Variants in RANBP2 observed in about 807,000 individuals in gnomAD.
RANBP2 encodes E3 SUMO-protein ligase RanBP2.
In RANBP2, 57 loss-of-function variants were observed where a neutral mutation model predicts 303.6. That is an observed-to-expected ratio of 0.19 (90% CI 0.15 to 0.23). The LOEUF (loss-of-function observed/expected upper bound fraction) is 0.23, where lower values mean the gene tolerates loss of function less well. Ranked by LOEUF, RANBP2 falls within the 10% of genes least tolerant of loss-of-function variation. The pLI is 1.00. For synonymous variants in RANBP2, 1,167 were observed against 1,301.5 expected, an observed-to-expected ratio of 0.90 and a Z score of 2.23; for missense variants, 3,138 against 3,780.8, an observed-to-expected ratio of 0.83 and a Z score of 4.46.
chr2:109,117,543 C>T, the RANBP2 span, among the ~76,000 whole-genome samples: 3 of 152,232 alleles, frequency 2.0e-5, no homozygotes, highest in Non-Finnish European at 4.4e-5. Flanking sequence ...TTGTCACCCC[C>T]TTCTTTGACT....
the RANBP2 span, among the ~76,000 whole-genome samples, chr2:108,991,003 T>G: frequency 6.6e-6 from 1 of 152,220 alleles, no homozygotes; most frequent in Non-Finnish European, 1.5e-5. Flanking sequence ...TTTTTTCTAT[T>G]GGAAATTAAG....
Position 108,719,503 on chromosome 2 carries a change from C to T in RANBP2, c.-104C>T. ...CGTCACAGTGGTCCTCCGCCGGCTACGGCGCTGCGTCACTGGTTTGCAGGC... is the reference window on the plus strand; with the variant it reads ...CGTCACAGTGGTCCTCCGCCGGCTATGGCGCTGCGTCACTGGTTTGCAGGC... On this transcript the variant is annotated 5_prime_UTR_variant, in exon 1 of 29. It adds an upstream start codon to the 5' untranslated region. Transcript: ENST00000283195. 1.3e-6 allele frequency: 2 copies of T among 1,524,010 alleles called. No homozygotes were observed. Among genetic ancestry groups the T allele is most frequent in the Non-Finnish European group, 1.8e-6 (2 of 1,131,408 alleles). The allele number at this position is 1,524,010 out of a possible 1,614,324, so 94.4% of individuals were successfully genotyped here.
chr2:108,731,758 G>A (rs1695184968), intron 4 of RANBP2: 1 of 411,392 alleles, frequency 2.4e-6, no homozygotes, highest in Non-Finnish European at 3.9e-6. Context: ...TTTACATTAA[G>A]TTCCGTCTGG....
chr2:109,379,116 G>A, the RANBP2 span, among the ~76,000 whole-genome samples: 21 of 152,298 alleles, frequency 1.4e-4, no homozygotes, highest in East Asian at 3.5e-3. Context: ...TGTCCTGTGC[G>A]TTCTGCTGTC....
chr2:109,031,019 G>A, the RANBP2 span, among the ~76,000 whole-genome samples: 1 of 152,168 alleles, frequency 6.6e-6, no homozygotes, highest in Admixed American at 6.5e-5. Context: ...TGCACCTTTT[G>A]TCTCACTGAC....
At chr2:109,520,984 C>T in the RANBP2 span, among the ~76,000 whole-genome samples, 1 of 150,858 alleles carries the variant, frequency 6.6e-6, no homozygotes, top group East Asian at 2.0e-4. Flanking sequence ...AATCCTAGCA[C>T]TTTGATAGGC....
chr2:109,505,680 GCAAT>G, the RANBP2 span, among the ~76,000 whole-genome samples: 3 of 152,296 alleles, frequency 2.0e-5, no homozygotes, highest in African/African-American at 4.8e-5. Flanking sequence ...TGCTACGTGA[GCAAT>G]CAAGGTTGTA....
the RANBP2 span, among the ~76,000 whole-genome samples, chr2:109,276,213 A>T: frequency 6.6e-6 from 1 of 152,206 alleles, no homozygotes; most frequent in Admixed American, 6.5e-5. Context: ...ACATCACCAT[A>T]TGTGTGAGTC....
At chr2:108,829,824 G>T in the RANBP2 span, among the ~76,000 whole-genome samples, 1 of 152,192 alleles carries the variant, frequency 6.6e-6, no homozygotes, top group Non-Finnish European at 1.5e-5. Flanking sequence ...TTGTTTACTG[G>T]TGATAGGAAT....
At chr2:109,173,560 AGAGCTGGTGGCTGCGGGGAAGG>A in the RANBP2 span, among the ~76,000 whole-genome samples, 7 of 152,190 alleles carry the variant, frequency 4.6e-5, no homozygotes, top group Non-Finnish European at 1.0e-4. Flanking sequence ...CTCTAACAGC[AGAGCTGGTGGCTGCGGGGAAGG>A]CCACACAGAC....
intron 18 of RANBP2, among the ~76,000 whole-genome samples, chr2:108,760,168 A>G (rs1002271365): frequency 2.4e-4 from 36 of 152,180 alleles, no homozygotes; most frequent in African/African-American, 8.2e-4. Flanking sequence ...TAATGAGCTC[A>G]TAGGAGATAC....
the RANBP2 span, among the ~76,000 whole-genome samples, chr2:109,763,642 T>G: frequency 1.3e-5 from 2 of 150,314 alleles, no homozygotes; most frequent in Non-Finnish European, 2.9e-5. Context: ...AAAGTATACC[T>G]GTTAATTATG....
the RANBP2 span, among the ~76,000 whole-genome samples, chr2:109,369,114 G>A: frequency 6.6e-6 from 1 of 152,052 alleles, no homozygotes; most frequent in Admixed American, 6.6e-5. Context: ...GGAGGCCGAG[G>A]TGGGCAGATC....
the RANBP2 span, among the ~76,000 whole-genome samples, chr2:108,818,622 A>C: frequency 6.6e-6 from 1 of 152,318 alleles, no homozygotes; most frequent in East Asian, 1.9e-4. Flanking sequence ...TGGCCATCGC[A>C]AGCAGGTATT....
chr2:109,442,462 A>G, the RANBP2 span, among the ~76,000 whole-genome samples: 2 of 152,298 alleles, frequency 1.3e-5, no homozygotes, highest in African/African-American at 4.8e-5. Flanking sequence ...AATATATAAG[A>G]TGTTTTCTTA....
chr2:109,545,737 C>T, the RANBP2 span: 3 of 1,429,838 alleles, frequency 2.1e-6, no homozygotes, highest in South Asian at 4.7e-5. Context: ...AGGGCCACGG[C>T]TGGGCTATTC....
chr2:109,110,015 C>T, the RANBP2 span, among the ~76,000 whole-genome samples: 4 of 152,170 alleles, frequency 2.6e-5, no homozygotes, highest in African/African-American at 4.8e-5. Flanking sequence ...TAGAGCCACA[C>T]GGAACCTCTC....
At chr2:109,297,586 C>T in the RANBP2 span, among the ~76,000 whole-genome samples, 2 of 149,534 alleles carry the variant, frequency 1.3e-5, no homozygotes, top group African/African-American at 2.5e-5. Context: ...GTGTCCCCAA[C>T]CCAGTCAGTG....
the RANBP2 span, among the ~76,000 whole-genome samples, chr2:109,279,111 C>T: frequency 0.037 from 5,604 of 152,260 alleles, 134 homozygotes; most frequent in Middle Eastern, 0.085. Context: ...GGCAAATCCA[C>T]GTATCACCTG....
Sources: allele counts gnomAD v4.1 joint callset (sites outside exome capture counted in the v4.1 genomes callset), GRCh38; gene constraint gnomAD v4.1.1; transcripts MANE v1.5; gene names NCBI Gene and HGNC (gene_info 2026-07-23, HGNC 2026-07-21).